Variants in GRIK2 observed in about 807,000 individuals in gnomAD.
The protein encoded by GRIK2 is glutamate receptor ionotropic, kainate 2.
In GRIK2, 32 loss-of-function variants were observed where a neutral mutation model predicts 100.3. That is an observed-to-expected ratio of 0.32 (90% CI 0.24 to 0.43). The LOEUF is 0.43. Ranked by LOEUF, GRIK2 falls within the 20% of genes least tolerant of loss-of-function variation. The pLI is 1.00. For synonymous variants in GRIK2, 417 were observed against 389.4 expected (o/e 1.07, Z -0.83); for missense variants, 843 against 1,114.9 (o/e 0.76, Z 3.47).
intron 2 of GRIK2, among the ~76,000 whole-genome samples, chr6:101,526,854 C>A (rs114440047): frequency 2.0e-5 from 3 of 152,288 alleles, no homozygotes; most frequent in Non-Finnish European, 2.9e-5. Flanking sequence ...GGCAACACTT[C>A]TACCAGGTTC....
At chr6:101,505,185 A>T (rs1298435809) in intron 2 of GRIK2, among the ~76,000 whole-genome samples, 1 of 151,972 alleles carries the variant, frequency 6.6e-6, no homozygotes, top group Non-Finnish European at 1.5e-5. Flanking sequence ...TTGTTCAATT[A>T]TCATACATTT....
At chr6:101,837,585 A>C (rs2096327495) in intron 10 of GRIK2, among the ~76,000 whole-genome samples, 1 of 152,188 alleles carries the variant, frequency 6.6e-6, no homozygotes, top group Non-Finnish European at 1.5e-5. Context: ...TAGTCTGGGG[A>C]ATTAATTTTA....
At chr6:101,680,411 C>T (rs192337636) in intron 5 of GRIK2, among the ~76,000 whole-genome samples, 6 of 152,260 alleles carry the variant, frequency 3.9e-5, no homozygotes, top group Admixed American at 3.9e-4. Context: ...AGATTCCAAA[C>T]TCCACATTAG....
chr6:102,049,994 A>T (rs567811680), intron 15 of GRIK2, among the ~76,000 whole-genome samples: 13 of 152,262 alleles, frequency 8.5e-5, no homozygotes, highest in Non-Finnish European at 1.8e-4. Flanking sequence ...TTATTTATCA[A>T]TGAATAAGCC....
At chr6:101,450,747 A>T (rs1354141780) in intron 2 of GRIK2, among the ~76,000 whole-genome samples, 1 of 151,876 alleles carries the variant, frequency 6.6e-6, no homozygotes, top group Non-Finnish European at 1.5e-5. Flanking sequence ...ACATGAAGGA[A>T]AAAGAAAAAA....
intron 7 of GRIK2, among the ~76,000 whole-genome samples, chr6:101,707,872 G>A (rs1231042951): frequency 2.0e-5 from 3 of 151,562 alleles, no homozygotes; most frequent in Non-Finnish European, 4.4e-5. Context: ...CAGTAATATA[G>A]ATGAAAGCTC....
intron 6 of GRIK2, among the ~76,000 whole-genome samples, chr6:101,685,187 CTTTA>C (rs1204438329): frequency 1.3e-5 from 2 of 152,230 alleles, no homozygotes; most frequent in Middle Eastern, 3.4e-3. Context: ...TATTGCCATC[CTTTA>C]TTTATTCACC....
At chr6:101,988,148 CG>C (rs1794151652) in intron 14 of GRIK2, among the ~76,000 whole-genome samples, 1 of 8,512 alleles carries the variant, frequency 1.2e-4, no homozygotes, top group African/African-American at 3.4e-4. Flanking sequence ...CGCGCGCGCG[CG>C]CGCGCGTGCG....
chr6:101,509,618 A>G (rs62419613), intron 2 of GRIK2, among the ~76,000 whole-genome samples: 38,691 of 152,078 alleles, frequency 0.25, 5,079 homozygotes, highest in Middle Eastern at 0.32. Context: ...TTTTCCAGGT[A>G]GAAGATGAAG....
chr6:101,568,155 G>C (rs7754173), intron 2 of GRIK2, among the ~76,000 whole-genome samples: 4 of 151,902 alleles, frequency 2.6e-5, no homozygotes, highest in Admixed American at 1.3e-4. Context: ...CTAAACATAA[G>C]TGTTAATCTT....
In GRIK2 at chr6:102,059,173, G is replaced by T. The variant is rs149161954; in HGVS notation, c.2562+3593G>T. On this transcript the variant is annotated intron_variant, in intron 16 of 16. Coordinates refer to ENST00000369134, the MANE Select transcript of GRIK2 (RefSeq NM_021956.5). ...AAAACAGAAAATAAAGCTGAAATAT[G>T]TGGACCTTCAAGCATTTAAAAATGG... 7.0e-3 allele frequency among the ~76,000 whole-genome samples: 1,064 copies of T among 151,230 alleles called. 14 individuals are homozygous for T. The highest frequency in any genetic ancestry group is 0.024 in the African/African-American group (1,008 of 41,434).
intron 7 of GRIK2, among the ~76,000 whole-genome samples, chr6:101,785,884 G>T (rs987694536): frequency 6.6e-6 from 1 of 151,902 alleles, no homozygotes; most frequent in African/African-American, 2.4e-5. Flanking sequence ...GGTGGTAATT[G>T]TGTTGAATCT....
At chr6:101,792,657 A>C (rs1258896108) in intron 7 of GRIK2, among the ~76,000 whole-genome samples, 1 of 151,860 alleles carries the variant, frequency 6.6e-6, no homozygotes, top group Non-Finnish European at 1.5e-5. Flanking sequence ...CCTTCATTTC[A>C]ACTTTGGTAA....
At chr6:101,746,766 T>C (rs1776443394) in intron 7 of GRIK2, among the ~76,000 whole-genome samples, 1 of 152,114 alleles carries the variant, frequency 6.6e-6, no homozygotes, top group Non-Finnish European at 1.5e-5. Context: ...CCTTTGTAAA[T>C]ACATATGTGC....
intron 7 of GRIK2, among the ~76,000 whole-genome samples, chr6:101,760,945 A>T (rs542127345): frequency 6.6e-6 from 1 of 151,706 alleles, no homozygotes; most frequent in Non-Finnish European, 1.5e-5. Context: ...TGAGATACTT[A>T]ATACATGTTA....
chr6:101,684,755 TAG>T (rs1408016819), intron 6 of GRIK2, among the ~76,000 whole-genome samples: 1 of 138,404 alleles, frequency 7.2e-6, no homozygotes, highest in Non-Finnish European at 1.5e-5. Context: ...TGATAAAGAG[TAG>T]ATAGTTATGT....
At chr6:101,614,734 G>A (rs1464711826) in intron 2 of GRIK2, among the ~76,000 whole-genome samples, 1 of 151,642 alleles carries the variant, frequency 6.6e-6, no homozygotes, top group Non-Finnish European at 1.5e-5. Flanking sequence ...ATATCTTCTG[G>A]GAGGATAACA....
chr6:101,841,052 C>T (rs956694882), intron 10 of GRIK2, among the ~76,000 whole-genome samples: 4 of 152,090 alleles, frequency 2.6e-5, no homozygotes, highest in African/African-American at 2.4e-5. Context: ...TTTGTATTTG[C>T]TGTTTTTAAC....
chr6:101,726,388 C>T (rs932461149), intron 7 of GRIK2, among the ~76,000 whole-genome samples: 11 of 151,876 alleles, frequency 7.2e-5, no homozygotes, highest in African/African-American at 2.7e-4. Context: ...CATTTTAAAA[C>T]GCTTAAAGAG....
Sources: gnomAD v4.1 joint callset for allele counts (sites outside exome capture counted in the v4.1 genomes callset) on GRCh38, gnomAD v4.1.1 for gene constraint, MANE v1.5 for transcripts, NCBI Gene and HGNC (gene_info 2026-07-23, HGNC 2026-07-21) for gene names.